PADI2: variants seen among roughly 807,000 people sequenced by gnomAD.
PADI2 encodes peptidyl arginine deiminase 2.
PADI2 carries 70 observed loss-of-function variants against 81.1 expected under a neutral mutation model. The observed-to-expected ratio is 0.86, with a 90% CI of 0.71 to 1.05. PADI2 has a LOEUF of 1.05. PADI2 is among the 50% of genes least tolerant of loss of function. PADI2 has a pLI of 0.00. For synonymous variants in PADI2, 338 were observed against 358.0 expected (o/e 0.94, Z 0.63); for missense variants, 853 against 889.9 (o/e 0.96, Z 0.53).
intron 8 of PADI2, 32 bp downstream of exon 8, chr1:17,084,567 C>A: frequency 1.4e-6 from 2 of 1,434,240 alleles, no homozygotes; most frequent in South Asian, 1.3e-5. Flanking sequence ...CACTCTGCCA[C>A]GCTGCCTCTC....
chr1:17,114,418 G>A (rs2100222556), intron 1 of PADI2, among the ~76,000 whole-genome samples: 1 of 152,262 alleles, frequency 6.6e-6, no homozygotes, highest in Non-Finnish European at 1.5e-5. Flanking sequence ...CCTGGGCTCT[G>A]CACCCCACAG....
chr1:17,103,915 T>C (rs1931241575), intron 2 of PADI2, among the ~76,000 whole-genome samples: 2 of 151,782 alleles, frequency 1.3e-5, no homozygotes, highest in Admixed American at 1.3e-4. Flanking sequence ...ACCCAGTAGC[T>C]TGAGGTTGCA....
intron 6 of PADI2, among the ~76,000 whole-genome samples, chr1:17,088,440 G>A (rs568617898): frequency 1.1e-4 from 17 of 152,294 alleles, no homozygotes; most frequent in African/African-American, 4.1e-4. Flanking sequence ...TGATTAAAAC[G>A]TGAGAAATAA....
intron 4 of PADI2, among the ~76,000 whole-genome samples, chr1:17,095,254 T>G (rs1254365668): frequency 1.3e-5 from 2 of 152,072 alleles, no homozygotes; most frequent in Non-Finnish European, 2.9e-5. Flanking sequence ...CAGAATGTGA[T>G]GGAGAACACC....
In PADI2 at chr1:17,074,848, C is replaced by A; in HGVS notation, c.1549+8G>T. The A allele has an allele frequency of 6.3e-7, 1 of 1,588,800 alleles. No homozygotes were observed. On this transcript the variant is annotated splice_region_variant and intron_variant, in intron 13 of 15. Coordinates refer to ENST00000375486, the MANE Select transcript of PADI2 (RefSeq NM_007365.3). ...GCCACTTCCTGTCAAGGCCCTGTGGCCACTCACCTTTGAACATGATGGCCT... is the reference window on the plus strand; with the variant it reads ...GCCACTTCCTGTCAAGGCCCTGTGGACACTCACCTTTGAACATGATGGCCT...
intron 7 of PADI2, 29 bp downstream of exon 7, chr1:17,086,492 C>T (rs767424432): frequency 3.1e-6 from 5 of 1,593,894 alleles, no homozygotes; most frequent in Non-Finnish European, 3.4e-6. Flanking sequence ...TGGGGTTAGC[C>T]CCCTGTGGTG....
At chr1:17,113,030 A>T (rs1931640008) in intron 1 of PADI2, among the ~76,000 whole-genome samples, 1 of 152,092 alleles carries the variant, frequency 6.6e-6, no homozygotes, top group Non-Finnish European at 1.5e-5. Context: ...TTCAAGACCC[A>T]GCTCAGTTGC....
At chr1:17,108,483 G>A (rs780578559) in intron 1 of PADI2, among the ~76,000 whole-genome samples, 3 of 151,806 alleles carry the variant, frequency 2.0e-5, no homozygotes, top group Admixed American at 6.6e-5. Context: ...GTGTTGCCAC[G>A]TGGTACCTGC....
At position 17,100,107 on chromosome 1, in the gene PADI2, C is replaced by T. The variant is rs181767509; in HGVS notation, c.349+2880G>A. On this transcript the variant is annotated intron_variant, in intron 3 of 15. Transcript: ENST00000375486. The stretch of plus-strand genomic sequence containing the variant: ...GATTGATTACTCAGGATGACGGGCT[C>T]AAGGGCTCCTGGGGCAGATGCTCGA... Among the ~76,000 whole-genome samples, 43 of 152,052 alleles carry T rather than the reference C, an allele frequency of 2.8e-4. 2 individuals carry two copies. In the East Asian group the frequency reaches 6.6e-3, roughly 23 times the overall value.
At chr1:17,072,276 G>T (rs2078269494) in intron 13 of PADI2, among the ~76,000 whole-genome samples, 1 of 152,186 alleles carries the variant, frequency 6.6e-6, no homozygotes, top group South Asian at 2.1e-4. Flanking sequence ...GCACTTCCCA[G>T]GTTTATAACT....
chr1:17,104,431 CTTTTTT>C (rs1217484961), intron 2 of PADI2, among the ~76,000 whole-genome samples: 6 of 79,790 alleles, frequency 7.5e-5, no homozygotes, highest in African/African-American at 2.5e-4. Context: ...TTTGCCTTTT[CTTTTTT>C]TTTTTTTTTT....
intron 2 of PADI2, among the ~76,000 whole-genome samples, chr1:17,103,835 T>A (rs941174113): frequency 0.015 from 1,315 of 85,648 alleles, 15 homozygotes; most frequent in African/African-American, 0.051. Flanking sequence ...AAAAAAAAAA[T>A]TAGCTGGGCA....
In PADI2 at chr1:17,075,810, T is replaced by A. The variant is rs2078298005; in HGVS notation, c.1324A>T (p.Arg442Trp). ...GSSFPLSGGRRMTKVVRDFLK... is the reference protein window; with the variant it reads ...GSSFPLSGGRWMTKVVRDFLK... Reference sequence around the variant, plus strand: ...AAGTCACGCACCACCTTGGTCATCCTCCGACCACCAGACCTGGAGAAGGGA... The same window carrying A: ...AAGTCACGCACCACCTTGGTCATCCACCGACCACCAGACCTGGAGAAGGGA... Residue 442 changes from arginine to tryptophan, a missense_variant, in exon 12 of 16, where the codon AGG becomes TGG. Physicochemically the swap from Arg to Trp is moderately radical, Grantham distance 101 (BLOSUM62 -3). Transcript: ENST00000375486. 1 of 1,613,646 alleles carries A rather than the reference T, an allele frequency of 6.2e-7. No individual in the cohort carries two copies. Among genetic ancestry groups the A allele is most frequent in the Admixed American group, 1.7e-5 (1 of 59,896 alleles).
intron 10 of PADI2, among the ~76,000 whole-genome samples, chr1:17,081,341 T>C (rs1278411181): frequency 6.6e-6 from 1 of 152,230 alleles, no homozygotes; most frequent in Non-Finnish European, 1.5e-5. Flanking sequence ...ATCATTTCTA[T>C]CCCCATTTTA....
At chr1:17,076,855 G>A (rs1337470201) in intron 11 of PADI2, among the ~76,000 whole-genome samples, 2 of 151,994 alleles carry the variant, frequency 1.3e-5, no homozygotes, top group African/African-American at 4.8e-5. Flanking sequence ...GGGATTACAG[G>A]TGTGAGCCAC....
In PADI2 at chr1:17,098,695, A is replaced by C. The variant is rs577415314; in HGVS notation, c.350-2725T>G. ...TCCCAGCCTCTCACAGGGCTTCATA[A>C]CTCCTCTCTGATGACCCATGACCTG... On this transcript the variant is annotated intron_variant, in intron 3 of 15. Coordinates refer to ENST00000375486, the MANE Select transcript of PADI2 (RefSeq NM_007365.3). Among the ~76,000 whole-genome samples, 63 of 151,928 alleles carry C rather than the reference A, an allele frequency of 4.1e-4. 3 individuals carry two copies. In the Middle Eastern group the frequency reaches 0.014, roughly 33 times the overall value.
Position 17,092,425 on chromosome 1 carries a change from C to T in PADI2, c.638G>A (p.Gly213Asp), listed in dbSNP as rs1930734373. ...YISMSDSDKV[G>D]VFYVENPFFG... ...TCACTCACTCTCCACGTAGAACACG[C>T]CCACTTTGTCTGAGTCTGACATGGA... Residue 213 changes from glycine (G) to aspartate (D), a missense_variant, in exon 6 of 16, where the codon GGC (glycine) becomes GAC (aspartate). Transcript: ENST00000375486. 3 of 1,607,110 alleles carry T rather than the reference C, an allele frequency of 1.9e-6. No individual in the cohort carries two copies. The highest frequency in any genetic ancestry group is 1.4e-5 in the African/African-American group (1 of 73,716).
Position 17,092,442 on chromosome 1 carries a change from T to C in PADI2, c.621A>G (p.Ser207=), listed in dbSNP as rs1377548071. ...AGAACACGCCCACTTTGTCTGAGTC[T>C]GACATGGAAATGTACAGAACTATCT... The part of the protein sequence containing the change: ...GYEIVLYISM[S]DSDKVGVFYV... Residue 207 remains serine, a synonymous_variant, in exon 6 of 16, where the codon TCA becomes TCG. Coordinates refer to ENST00000375486, the MANE Select transcript of PADI2 (RefSeq NM_007365.3). 2 of 1,606,742 alleles carry C rather than the reference T, an allele frequency of 1.2e-6. No homozygotes were observed. Among genetic ancestry groups the C allele is most frequent in the South Asian group, 2.2e-5 (2 of 90,452 alleles).
intron 1 of PADI2, among the ~76,000 whole-genome samples, chr1:17,109,120 C>T (rs1931483792): frequency 6.6e-6 from 1 of 152,058 alleles, no homozygotes; most frequent in South Asian, 2.1e-4. Flanking sequence ...TGCGGTGGCT[C>T]ACACCTGTAA....
Sources: gnomAD v4.1 joint callset for allele counts (sites outside exome capture counted in the v4.1 genomes callset) on GRCh38, gnomAD v4.1.1 for gene constraint, MANE v1.5 for transcripts, NCBI Gene and HGNC (gene_info 2026-07-23, HGNC 2026-07-21) for gene names.